Variants in SLC25A44 observed in about 807,000 individuals in gnomAD.
SLC25A44 encodes solute carrier family 25 member 44.
Under a neutral mutation model 29.9 loss-of-function variants are expected in SLC25A44, and 17 were observed. The ratio of observed to expected loss-of-function variants is 0.57; its 90% CI spans 0.39 to 0.85. SLC25A44 has a LOEUF of 0.85. Ranked by LOEUF, SLC25A44 falls within the 40% of genes least tolerant of loss-of-function variation. The pLI is 0.00. For synonymous variants in SLC25A44, 140 were observed against 151.8 expected (o/e 0.92, Z 0.57); for missense variants, 302 against 398.4 (o/e 0.76, Z 2.06).
intron 2 of SLC25A44, among the ~76,000 whole-genome samples, chr1:156,205,847 G>T (rs2103047304): frequency 6.6e-6 from 1 of 152,226 alleles, no homozygotes; most frequent in East Asian, 1.9e-4. Context: ...AAATCCTCAG[G>T]ATCCAGGATG....
Position 156,210,322 on chromosome 1 carries a change from C to G in SLC25A44, c.836C>G (p.Ser279Trp). 1 of 1,607,052 alleles carries G rather than the reference C, an allele frequency of 6.2e-7. No homozygotes were observed. The highest frequency in any genetic ancestry group is 1.1e-5 in the South Asian group (1 of 89,642). The change falls in exon 4 of 4, where the codon TCG (serine) becomes TGG (tryptophan). Residue 279 changes from serine (S) to tryptophan (W), a missense_variant. Transcript: ENST00000359511. ...EGPWGLMKGL[S>W]ARIISATPST... ...CCTTGGGGCCTCATGAAGGGCCTCT[C>G]GGCCAGAATCATCTCAGCCACACCT...
At position 156,200,169 on chromosome 1, in the gene SLC25A44, AAC is replaced by A; in HGVS notation, c.326_327del (p.Thr109SerfsTer22). On this transcript the variant is annotated frameshift_variant, in exon 2 of 4. Transcript: ENST00000359511. LOFTEE classifies it high-confidence loss of function. ...RKFVADYSQS[N>X]TVKSLVAGGS... is the part of the protein sequence containing the mutation. ...GTTTGTAGCTGACTACAGCCAGAGTAACACAGTCAAATCACTGGTGGCTGGTG... is the reference window on the plus strand; with the variant it reads ...GTTTGTAGCTGACTACAGCCAGAGTAACAGTCAAATCACTGGTGGCTGGTG... 1 of 1,614,206 alleles carries A rather than the reference AAC, an allele frequency of 6.2e-7. No individual in the cohort carries two copies. Among genetic ancestry groups the A allele is most frequent in the Non-Finnish European group, 8.5e-7 (1 of 1,180,038 alleles).
intron 2 of SLC25A44, among the ~76,000 whole-genome samples, chr1:156,202,874 A>G (rs527306539): frequency 6.6e-6 from 1 of 152,220 alleles, no homozygotes; most frequent in African/African-American, 2.4e-5. Context: ...TAAGTGGTCT[A>G]TAAGAACAGG....
At chr1:156,204,657 T>G (rs1183172139) in intron 2 of SLC25A44, among the ~76,000 whole-genome samples, 2 of 151,796 alleles carry the variant, frequency 1.3e-5, no homozygotes, top group African/African-American at 2.4e-5. Flanking sequence ...CGGCAAATTT[T>G]TTGTATTTTT....
intron 2 of SLC25A44, 93 bp downstream of exon 2, chr1:156,200,565 T>C: frequency 1.2e-5 from 13 of 1,129,330 alleles, no homozygotes; most frequent in Admixed American, 2.2e-5. Context: ...GGAGGTGAGA[T>C]TTAATGGGGG....
Position 156,212,785 on chromosome 1 carries a change from T to C in SLC25A44, c.*2354T>C. 1 of 606,980 alleles carries C rather than the reference T, an allele frequency of 1.6e-6. No homozygotes were observed. 37.6% of individuals were successfully genotyped at this position (606,980 alleles called of 1,614,324 possible). A position where few individuals can be genotyped will look rare whatever the true frequency, so the allele number is the denominator to read the frequency against. ...TCTGAAATGTAATTAAAAGTTTTTA[T>C]TGAGCCCCCGAGCTTTGGCTTGCGC... On this transcript the variant is annotated 3_prime_UTR_variant, in exon 4 of 4. Coordinates refer to ENST00000359511, the MANE Select transcript of SLC25A44 (RefSeq NM_014655.4).
At chr1:156,196,643 AG>A (rs1340036464) in intron 1 of SLC25A44, 1 of 152,158 alleles carries the variant, frequency 6.6e-6, no homozygotes, top group Non-Finnish European at 1.5e-5. Context: ...GCCTGGCAGG[AG>A]GCCCTCCTGC....
intron 1 of SLC25A44, among the ~76,000 whole-genome samples, chr1:156,195,428 G>GGGAGGCTC (rs2103028483): frequency 6.6e-6 from 1 of 152,262 alleles, no homozygotes; most frequent in Admixed American, 6.5e-5. Context: ...CCTCGCTCCT[G>GGGAGGCTC]GGAGGCTCAA....
In SLC25A44 at chr1:156,204,871, T is replaced by C. The variant is rs529211453; in HGVS notation, c.626-3015T>C. Among the ~76,000 whole-genome samples the C allele has an allele frequency of 2.0e-4, 31 of 152,234 alleles. 1 individual carries two copies. The South Asian group carries it at 6.2e-3, about 31-fold the overall frequency. ...CCAGTTCACTCTGTTTCTGTTTGTA[T>C]GCTGATTCTGGGGAAGAGAGTATAT... is the stretch of plus-strand genomic sequence containing the variant. On this transcript the variant is annotated intron_variant, in intron 2 of 3. Transcript: ENST00000359511.
rs1657343105 is a variant in SLC25A44 at position 156,211,817 on chromosome 1, AC to A, written c.*1388del. ...AAGGCATGTCAAACCCTGCATTTCTACCTGAGACGTGTGACCTGGATGATCC... is the reference window on the plus strand; with the variant it reads ...AAGGCATGTCAAACCCTGCATTTCTACTGAGACGTGTGACCTGGATGATCC... On this transcript the variant is annotated 3_prime_UTR_variant, in exon 4 of 4. Coordinates refer to ENST00000359511, the MANE Select transcript of SLC25A44 (RefSeq NM_014655.4). The A allele has an allele frequency of 7.0e-6, 1 of 142,942 alleles. No homozygotes were observed. Among genetic ancestry groups the A allele is most frequent in the Admixed American group, 7.0e-5 (1 of 14,360 alleles). 8.9% of individuals were successfully genotyped at this position (142,942 alleles called of 1,614,324 possible).
intron 2 of SLC25A44, among the ~76,000 whole-genome samples, chr1:156,204,082 A>G (rs1572457658): frequency 7.0e-6 from 1 of 142,886 alleles, no homozygotes; most frequent in Non-Finnish European, 1.5e-5. Context: ...ATCCTGGCTC[A>G]CTGCAACCTC....
chr1:156,194,602 C>G (rs1160502964), intron 1 of SLC25A44, among the ~76,000 whole-genome samples: 1 of 152,134 alleles, frequency 6.6e-6, no homozygotes, highest in East Asian at 1.9e-4. Context: ...GTGGGAATCT[C>G]ACCATGTCCG....
intron 2 of SLC25A44, among the ~76,000 whole-genome samples, chr1:156,205,411 G>A (rs1656876620): frequency 1.3e-5 from 2 of 152,106 alleles, no homozygotes; most frequent in Admixed American, 6.6e-5. Context: ...CTTACCTCTT[G>A]GATCTCATAT....
rs1401657138 is a variant in SLC25A44 at position 156,194,177 on chromosome 1, G to C, written c.-84G>C. On this transcript the variant is annotated 5_prime_UTR_variant, in exon 1 of 4. Coordinates refer to ENST00000359511, the MANE Select transcript of SLC25A44 (RefSeq NM_014655.4). ...ATTCGCTGGGAACGACGGATAGACT[G>C]GGGGCTGCGGCCTAGAGGTCCGGGC... The C allele has an allele frequency of 6.5e-6, 1 of 152,862 alleles. No individual in the cohort carries two copies. Among genetic ancestry groups the C allele is most frequent in the East Asian group, 1.9e-4 (1 of 5,334 alleles). 9.5% of individuals were successfully genotyped at this position (152,862 alleles called of 1,614,324 possible).
intron 2 of SLC25A44, among the ~76,000 whole-genome samples, chr1:156,203,806 C>T (rs1656743109): frequency 6.6e-6 from 1 of 150,864 alleles, no homozygotes; most frequent in Admixed American, 6.6e-5. Context: ...TGGGTTCACG[C>T]CGTTTTCCTG....
intron 3 of SLC25A44, 53 bp from the exon 4 acceptor site, chr1:156,210,187 G>A: frequency 1.5e-6 from 2 of 1,330,100 alleles, no homozygotes; most frequent in South Asian, 1.5e-5. Context: ...GGGAGATTGA[G>A]CAGAGGGGCT....
In SLC25A44 at chr1:156,211,155, C is replaced by T. The variant is rs1237891082; in HGVS notation, c.*724C>T. The T allele has an allele frequency of 6.6e-6, 1 of 151,904 alleles. No homozygotes were observed. Among genetic ancestry groups the T allele is most frequent in the African/African-American group, 2.4e-5 (1 of 41,032 alleles). 9.4% of individuals were successfully genotyped at this position (151,904 alleles called of 1,614,324 possible). ...CCTGCTAAAGCGCCAATCCTGCTGT[C>T]AGAGCTCACCCCCTTCCTAAGACAG... On this transcript the variant is annotated 3_prime_UTR_variant, in exon 4 of 4. Coordinates refer to ENST00000359511, the MANE Select transcript of SLC25A44 (RefSeq NM_014655.4).
At chr1:156,200,952 C>T (rs189467098) in intron 2 of SLC25A44, among the ~76,000 whole-genome samples, 67 of 148,360 alleles carry the variant, frequency 4.5e-4, no homozygotes, top group African/African-American at 1.6e-3. Flanking sequence ...TCTTGTGCTT[C>T]AGCCTCCCGA....
chr1:156,208,340 C>T lies in SLC25A44; in HGVS notation c.753+327C>T, dbSNP rs1334553127. On this transcript the variant is annotated intron_variant, in intron 3 of 3. Transcript: ENST00000359511. Reference sequence around the variant, plus strand: ...AAAATTAGCTGGGTGTGTTGGCATGCGCCTATAGTCCCAGCTACTCGGGAG... The same window carrying T: ...AAAATTAGCTGGGTGTGTTGGCATGTGCCTATAGTCCCAGCTACTCGGGAG... Among the ~76,000 whole-genome samples, 5 of 152,092 alleles carry T rather than the reference C, an allele frequency of 3.3e-5. No individual in the cohort carries two copies. The South Asian group carries it at 6.2e-4, about 19-fold the overall frequency.
Sources: gnomAD v4.1 joint callset for allele counts (sites outside exome capture counted in the v4.1 genomes callset) on GRCh38, gnomAD v4.1.1 for gene constraint, MANE v1.5 for transcripts, NCBI Gene and HGNC (gene_info 2026-07-23, HGNC 2026-07-21) for gene names.